The following EYS variants were observed in gnomAD, a reference collection of about 807,000 sequenced individuals.
The protein encoded by EYS is protein eyes shut homolog.
EYS carries 250 observed loss-of-function variants against 282.1 expected under a neutral mutation model. The ratio of observed to expected loss-of-function variants is 0.89; its 90% CI spans 0.80 to 0.98. The LOEUF is 0.98. Ranked by LOEUF, EYS falls within the 50% of genes least tolerant of loss-of-function variation. EYS has a pLI of 0.00. For synonymous variants in EYS, 1,355 were observed against 1,282.9 expected, an observed-to-expected ratio of 1.06 and a Z score of -1.20; for missense variants, 4,016 against 3,709.0, an observed-to-expected ratio of 1.08 and a Z score of -2.15.
chr6:64,234,428 G>T (rs1766521360), intron 30 of EYS, among the ~76,000 whole-genome samples: 2 of 135,304 alleles, frequency 1.5e-5, no homozygotes, highest in Non-Finnish European at 3.2e-5. Context: ...AAAATCTGCA[G>T]AGTGTTTTTA....
intron 24 of EYS, among the ~76,000 whole-genome samples, chr6:64,594,252 C>T (rs1766502825): frequency 6.6e-6 from 1 of 152,058 alleles, no homozygotes; most frequent in African/African-American, 2.4e-5. Context: ...AAGCCCAGGA[C>T]CAGGTGGCTT....
At chr6:65,279,191 TA>T (rs201358637) in intron 12 of EYS, among the ~76,000 whole-genome samples, 4 of 146,372 alleles carry the variant, frequency 2.7e-5, no homozygotes, top group Non-Finnish European at 4.5e-5. Flanking sequence ...TCTGGCTCTA[TA>T]AAAAAAAATA....
At chr6:64,987,563 T>C (rs936664119) in intron 14 of EYS, among the ~76,000 whole-genome samples, 3 of 151,518 alleles carry the variant, frequency 2.0e-5, no homozygotes, top group African/African-American at 7.3e-5. Flanking sequence ...TGTGGGCAGC[T>C]GAACTCAAGG....
intron 37 of EYS, among the ~76,000 whole-genome samples, chr6:63,795,745 T>C (rs1199476725): frequency 6.6e-6 from 1 of 152,054 alleles, no homozygotes; most frequent in Non-Finnish European, 1.5e-5. Flanking sequence ...TTTGCATGTA[T>C]GAACGAGAAG....
chr6:63,740,311 T>G (rs1252156571), intron 41 of EYS, among the ~76,000 whole-genome samples: 2 of 152,174 alleles, frequency 1.3e-5, no homozygotes, highest in Non-Finnish European at 2.9e-5. Flanking sequence ...AATGGGAGTT[T>G]CACTGCAGAA....
intron 11 of EYS, chr6:65,303,697 T>C: frequency 1.8e-6 from 1 of 553,978 alleles, no homozygotes; most frequent in Non-Finnish European, 3.0e-6. Context: ...ATGATTCTAC[T>C]TCAGGAGCAA....
intron 26 of EYS, among the ~76,000 whole-genome samples, chr6:64,442,496 C>G (rs983025293): frequency 6.6e-6 from 1 of 152,194 alleles, no homozygotes; most frequent in South Asian, 2.1e-4. Flanking sequence ...GTTAATCCCC[C>G]AAGATAATGG....
Position 64,659,780 on chromosome 6 carries a change from G to C in EYS, c.3444-33535C>G, listed in dbSNP as rs568281204. On this transcript the variant is annotated intron_variant, in intron 22 of 42. Transcript: ENST00000503581. ...ACCAAAAAAAGTGCAGGACCAGATG[G>C]ATTCACAGCCGAATTCTACCAGAGG... Among the ~76,000 whole-genome samples, 540 of 152,156 alleles carry C rather than the reference G, an allele frequency of 3.5e-3. 4 individuals carry two copies. The highest frequency in any genetic ancestry group is 0.013 in the African/African-American group (525 of 41,496).
chr6:65,434,372 G>C (rs1362297173), intron 5 of EYS, among the ~76,000 whole-genome samples: 2 of 151,174 alleles, frequency 1.3e-5, no homozygotes, highest in Admixed American at 6.6e-5. Flanking sequence ...CCAGGCTGGA[G>C]TGCAGTGGTG....
At chr6:64,460,699 C>G (rs77384407) in intron 26 of EYS, among the ~76,000 whole-genome samples, 26 of 152,286 alleles carry the variant, frequency 1.7e-4, no homozygotes, top group Admixed American at 7.8e-4. Flanking sequence ...CTCAAGCTGT[C>G]TTTGAAATCA....
At chr6:64,769,300 T>C (rs1773453089) in intron 22 of EYS, among the ~76,000 whole-genome samples, 2 of 152,156 alleles carry the variant, frequency 1.3e-5, no homozygotes. Context: ...CTAACTCTGT[T>C]TGCCTAGCTC....
Position 64,700,416 on chromosome 6 carries a change from T to C in EYS, c.3444-74171A>G, listed in dbSNP as rs967043280. Among the ~76,000 whole-genome samples, 3 of 152,060 alleles carry C rather than the reference T, an allele frequency of 2.0e-5. No individual in the cohort carries two copies. In the East Asian group the frequency reaches 5.8e-4, roughly 29 times the overall value. ...AGGCAATAGAAAGAAATAAAAGGCATCCAGATTGGAAAAGAGGAAGTCAAA... is the reference window on the plus strand; with the variant it reads ...AGGCAATAGAAAGAAATAAAAGGCACCCAGATTGGAAAAGAGGAAGTCAAA... On this transcript the variant is annotated intron_variant, in intron 22 of 42. Transcript: ENST00000503581.
intron 36 of EYS, among the ~76,000 whole-genome samples, chr6:63,812,590 T>C (rs1489401433): frequency 1.3e-5 from 2 of 152,162 alleles, no homozygotes; most frequent in Non-Finnish European, 2.9e-5. Context: ...CATGGTCTAA[T>C]TGGGCATAAG....
chr6:64,632,925 G>T (rs527252818), intron 22 of EYS, among the ~76,000 whole-genome samples: 3 of 152,150 alleles, frequency 2.0e-5, no homozygotes, highest in South Asian at 2.1e-4. Flanking sequence ...TTGTTGCAGA[G>T]ACTGTGATAG....
intron 36 of EYS, among the ~76,000 whole-genome samples, chr6:63,848,145 C>A (rs2149701213): frequency 6.6e-6 from 1 of 152,092 alleles, no homozygotes; most frequent in African/African-American, 2.4e-5. Flanking sequence ...CCATAAAATG[C>A]CCGTAAAACA....
intron 5 of EYS, among the ~76,000 whole-genome samples, chr6:65,479,667 CT>C (rs1765533115): frequency 6.6e-6 from 1 of 152,072 alleles, no homozygotes; most frequent in African/African-American, 2.4e-5. Context: ...CGAAAATTAA[CT>C]GAGTGGATTA....
chr6:65,099,620 T>C (rs1774837064), intron 12 of EYS, among the ~76,000 whole-genome samples: 1 of 150,812 alleles, frequency 6.6e-6, no homozygotes, highest in African/African-American at 2.4e-5. Context: ...ATTCAGCTAA[T>C]ATAACTGATG....
chr6:63,738,130 C>A (rs144426455), intron 41 of EYS, among the ~76,000 whole-genome samples: 3,237 of 152,256 alleles, frequency 0.021, 117 homozygotes, highest in African/African-American at 0.073. Flanking sequence ...CACTTTTACA[C>A]TGTTGGTGGG....
intron 22 of EYS, among the ~76,000 whole-genome samples, chr6:64,797,791 A>G (rs1257635091): frequency 6.6e-6 from 1 of 151,974 alleles, no homozygotes; most frequent in Non-Finnish European, 1.5e-5. Context: ...TGAATCTCCT[A>G]ATCCTCCATG....
Sources: gnomAD v4.1 joint callset for allele counts (sites outside exome capture counted in the v4.1 genomes callset) on GRCh38, gnomAD v4.1.1 for gene constraint, MANE v1.5 for transcripts, NCBI Gene and HGNC (gene_info 2026-07-23, HGNC 2026-07-21) for gene names.